Variants in CLCN7 observed in about 807,000 individuals in gnomAD.
CLCN7 encodes Cl-/H+ antiporter 7, also known as H(+)/Cl(-) exchange transporter 7.
CLCN7 carries 60 observed loss-of-function variants against 102.1 expected under a neutral mutation model. That is an observed-to-expected ratio of 0.59 (90% confidence interval 0.48 to 0.73). The LOEUF (loss-of-function observed/expected upper bound fraction) is 0.73. CLCN7 is among the 30% of genes least tolerant of loss of function. The pLI is 0.00. For missense variants in CLCN7, 962 were observed against 1,125.7 expected (o/e 0.85, Z 2.08); for synonymous variants, 560 against 490.5 (o/e 1.14, Z -1.87).
At chr16:1,463,301 G>C (rs1434671891) in intron 2 of CLCN7, among the ~76,000 whole-genome samples, 1 of 152,156 alleles carries the variant, frequency 6.6e-6, no homozygotes, top group South Asian at 2.1e-4. Context: ...GACACCAAAA[G>C]TACAAGCAAC....
intron 17 of CLCN7, 30 bp from the exon 18 acceptor site, chr16:1,449,357 G>T: frequency 6.4e-7 from 1 of 1,569,682 alleles, no homozygotes; most frequent in Non-Finnish European, 8.6e-7. Context: ...GGAGGTGTCA[G>T]TGTGGTGGCA....
chr16:1,472,949 T>C (rs1429014222), intron 1 of CLCN7, among the ~76,000 whole-genome samples: 1 of 151,574 alleles, frequency 6.6e-6, no homozygotes, highest in Non-Finnish European at 1.5e-5. Context: ...TTTTTTTTTT[T>C]TTGAGACAGG....
At chr16:1,467,798 A>C (rs1223327934) in intron 1 of CLCN7, 1 of 152,328 alleles carries the variant, frequency 6.6e-6, no homozygotes, top group Non-Finnish European at 1.5e-5. Context: ...ATAACGGATC[A>C]TTCTGGCCGG....
chr16:1,448,768 TGCGGGCGGG>T lies in CLCN7; in HGVS notation c.1798-11_1798-3del. 1 of 1,611,354 alleles carries T rather than the reference TGCGGGCGGG, an allele frequency of 6.2e-7. No individual in the cohort carries two copies. ...CTGAATGTGCATGTCGTACAGGCCC[TGCGGGCGGG>T]GCGGGAACACAGGGCTTGAGGAGTC... is the stretch of plus-strand genomic sequence containing the variant. On this transcript the variant is annotated splice_region_variant and splice_polypyrimidine_tract_variant and intron_variant, in intron 19 of 24. Coordinates refer to ENST00000382745, the MANE Select transcript of CLCN7 (RefSeq NM_001287.6).
intron 17 of CLCN7, 139 bp from the exon 18 acceptor site, chr16:1,449,466 GAAC>G: frequency 2.6e-6 from 2 of 757,482 alleles, no homozygotes; most frequent in East Asian, 2.7e-5. Context: ...CATACACACA[GAAC>G]AACCTAGCAC....
chr16:1,448,585 G>C, intron 20 of CLCN7, 96 bp downstream of exon 20: 1 of 1,600,712 alleles, frequency 6.2e-7, no homozygotes, highest in South Asian at 1.1e-5. Flanking sequence ...CAGGAAACGC[G>C]GGGCTGCCTG....
intron 16 of CLCN7, 138 bp downstream of exon 16, chr16:1,451,481 GGAGT>G: frequency 1.5e-6 from 1 of 682,446 alleles, no homozygotes; most frequent in Admixed American, 2.2e-5. Flanking sequence ...TGGGATTACA[GGAGT>G]GAGTCCCTGC....
At chr16:1,460,314 C>G (rs2038912923) in intron 6 of CLCN7, 104 bp downstream of exon 6, 2 of 845,304 alleles carry the variant, frequency 2.4e-6, no homozygotes, top group South Asian at 2.7e-5. Context: ...GGTTGTCAGC[C>G]AATGTGATGG....
chr16:1,466,757 A>AG (rs1424256117), intron 1 of CLCN7: 1 of 152,046 alleles, frequency 6.6e-6, no homozygotes, highest in African/African-American at 2.4e-5. Context: ...GTTCGAGACC[A>AG]GCTGGGCCAA....
intron 15 of CLCN7, 157 bp from the exon 16 acceptor site, chr16:1,451,873 C>G (rs982111176): frequency 8.1e-5 from 54 of 663,482 alleles, no homozygotes; most frequent in Non-Finnish European, 1.5e-4. Flanking sequence ...GCCACGGTCA[C>G]AGAGGGCAAG....
Position 1,448,772 on chromosome 16 carries a change from G to C in CLCN7, c.1798-6C>G, listed in dbSNP as rs2038695242. The C allele has an allele frequency of 6.2e-7, 1 of 1,610,776 alleles. No individual in the cohort carries two copies. Among genetic ancestry groups the C allele is most frequent in the East Asian group, 2.2e-5 (1 of 44,870 alleles). On this transcript the variant is annotated splice_region_variant and splice_polypyrimidine_tract_variant and intron_variant, in intron 19 of 24. Coordinates refer to ENST00000382745, the MANE Select transcript of CLCN7 (RefSeq NM_001287.6). Reference sequence around the variant, plus strand: ...ATGTGCATGTCGTACAGGCCCTGCGGGCGGGGCGGGAACACAGGGCTTGAG... The same window carrying C: ...ATGTGCATGTCGTACAGGCCCTGCGCGCGGGGCGGGAACACAGGGCTTGAG...
intron 1 of CLCN7, among the ~76,000 whole-genome samples, chr16:1,473,212 C>T (rs949563257): frequency 2.6e-5 from 4 of 152,112 alleles, no homozygotes; most frequent in South Asian, 2.1e-4. Context: ...GACTACAGCA[C>T]GGAGAGCAGG....
intron 24 of CLCN7, 115 bp downstream of exon 24, chr16:1,446,891 C>A: frequency 8.4e-7 from 1 of 1,193,888 alleles, no homozygotes; most frequent in East Asian, 2.6e-5. Flanking sequence ...CATGGGCCGA[C>A]TCGGTGCTGG....
At position 1,450,694 on chromosome 16, in the gene CLCN7, C is replaced by CCCAGATGGG. The variant is rs773559226; in HGVS notation, c.1448-29_1448-28insCCCATCTGG. ...AGGAGAGAAGAGGGGCTGACGGGGCCTCCACGACTCCCGCCTCCGCAGGAC... is the reference window on the plus strand; with the variant it reads ...AGGAGAGAAGAGGGGCTGACGGGGCCCCAGATGGGTCCACGACTCCCGCCTCCGCAGGAC... On this transcript the variant is annotated intron_variant, in intron 16 of 24. Transcript: ENST00000382745. The CCCAGATGGG allele has an allele frequency of 5.1e-6, 7 of 1,360,252 alleles. No homozygotes were observed. The African/African-American group carries it at 1.1e-4, about 22-fold the overall frequency. The allele number at this position is 1,360,252 out of a possible 1,614,324, so 84.3% of individuals were successfully genotyped here.
chr16:1,465,856 A>C (rs1174519743), intron 1 of CLCN7, among the ~76,000 whole-genome samples: 1 of 152,182 alleles, frequency 6.6e-6, no homozygotes, highest in East Asian at 1.9e-4. Flanking sequence ...GTGGGGTCTC[A>C]GCCACCTAAG....
chr16:1,474,700 C>T, intron 1 of CLCN7, 134 bp downstream of exon 1: 1 of 766,286 alleles, frequency 1.3e-6, no homozygotes. Flanking sequence ...AGCCCCGGGG[C>T]GCGTTCCCGA....
intron 14 of CLCN7, 144 bp downstream of exon 14, chr16:1,453,690 G>C (rs1000227977): frequency 9.1e-5 from 74 of 815,332 alleles, no homozygotes; most frequent in Non-Finnish European, 1.4e-4. Context: ...GCTCCACCGG[G>C]GAAACCATCA....
At chr16:1,450,250 G>A (rs780128420) in intron 17 of CLCN7, 66 of 570,782 alleles carry the variant, frequency 1.2e-4, no homozygotes, top group Admixed American at 7.0e-4. Flanking sequence ...ATAAGGACAC[G>A]AGCCTCCGCC....
In CLCN7 at chr16:1,450,651, A is replaced by T. The variant is rs202022689; in HGVS notation, c.1463T>A (p.Leu488Gln). The change falls in exon 17 of 25, where the codon CTG (leucine) becomes CAG (glutamine). Residue 488 changes from leucine to glutamine, a missense_variant. Physicochemically the swap from Leu to Gln is moderately radical, Grantham distance 113 (BLOSUM62 -2). Transcript: ENST00000382745. ...GACCAGCGTGAACAGGCCGAGGGTC[A>T]GGGGGTTGTAGGAGCCTAGGAGAGA... ...FHDPPGSYNP[L>Q]TLGLFTLVYF... 8.7e-5 allele frequency: 140 copies of T among 1,605,078 alleles called. 1 individual carries two copies. The East Asian group carries it at 3.1e-3, about 35-fold the overall frequency.
Sources: gnomAD v4.1 joint callset for allele counts (sites outside exome capture counted in the v4.1 genomes callset) on GRCh38, gnomAD v4.1.1 for gene constraint, MANE v1.5 for transcripts, NCBI Gene and HGNC (gene_info 2026-07-23, HGNC 2026-07-21) for gene names.